RTN4RL1: variants seen among roughly 807,000 people sequenced by gnomAD.
The protein encoded by RTN4RL1 is reticulon-4 receptor-like 1.
RTN4RL1 carries 7 observed loss-of-function variants against 25.6 expected under a neutral mutation model. That is an observed-to-expected ratio of 0.27 (90% confidence interval 0.16 to 0.51). The LOEUF is 0.51. Among genes scored for constraint, RTN4RL1 ranks in the 20% least tolerant of loss-of-function variants. RTN4RL1 has a pLI of 0.97. For synonymous variants in RTN4RL1, 297 were observed against 288.2 expected (o/e 1.03, Z -0.31); for missense variants, 500 against 615.6 (o/e 0.81, Z 1.99).
At chr17:2,005,879 C>T (rs2066991552) in intron 1 of RTN4RL1, among the ~76,000 whole-genome samples, 1 of 151,114 alleles carries the variant, frequency 6.6e-6, no homozygotes. Flanking sequence ...TCACTGCAAC[C>T]TCCGCCACCC....
Position 1,942,365 on chromosome 17 carries a change from G to T in RTN4RL1, c.14-4557C>A, listed in dbSNP as rs566724836. Among the ~76,000 whole-genome samples, 6 of 126,682 alleles carry T rather than the reference G, an allele frequency of 4.7e-5. No individual in the cohort carries two copies. The South Asian group carries it at 1.2e-3, about 25-fold the overall frequency. 83.1% of individuals were successfully genotyped at this position (126,682 alleles called of 152,430 possible). A position where few individuals can be genotyped will look rare whatever the true frequency, so the allele number is the denominator to read the frequency against. ...TGGGGAGGGCCCAGAATGACTGGGTGGGGGGATACGGAGGATCCTCATGGC... is the reference window on the plus strand; with the variant it reads ...TGGGGAGGGCCCAGAATGACTGGGTTGGGGGATACGGAGGATCCTCATGGC... On this transcript the variant is annotated intron_variant, in intron 1 of 1. Coordinates refer to ENST00000331238, the MANE Select transcript of RTN4RL1 (RefSeq NM_178568.4).
intron 1 of RTN4RL1, among the ~76,000 whole-genome samples, chr17:1,999,824 C>T (rs187265975): frequency 6.6e-6 from 1 of 152,384 alleles, no homozygotes; most frequent in African/African-American, 2.4e-5. Flanking sequence ...AAATAGCCAC[C>T]TCCCTCCCGG....
intron 1 of RTN4RL1, among the ~76,000 whole-genome samples, chr17:1,983,973 C>T (rs1405371203): frequency 6.6e-6 from 1 of 152,188 alleles, no homozygotes; most frequent in African/African-American, 2.4e-5. Flanking sequence ...CTGGTAGAAC[C>T]AGGCTGGAAT....
intron 1 of RTN4RL1, among the ~76,000 whole-genome samples, chr17:2,007,357 C>CACACAA (rs2151324819): frequency 6.6e-6 from 1 of 151,728 alleles, no homozygotes; most frequent in East Asian, 1.9e-4. Context: ...CACACACACA[C>CACACAA]ACACACACAC....
chr17:1,971,600 T>G, intron 1 of RTN4RL1, among the ~76,000 whole-genome samples: 3 of 148,364 alleles, frequency 2.0e-5, no homozygotes, highest in Non-Finnish European at 4.5e-5. Context: ...GAGGCTGAGG[T>G]GGGAGGGTTG....
intron 1 of RTN4RL1, among the ~76,000 whole-genome samples, chr17:1,989,785 G>T (rs1352262670): frequency 1.3e-5 from 2 of 151,878 alleles, no homozygotes; most frequent in Admixed American, 6.6e-5. Flanking sequence ...TTTTGGACAG[G>T]CTGGTCTCGA....
intron 1 of RTN4RL1, among the ~76,000 whole-genome samples, chr17:2,008,175 A>C (rs1186149013): frequency 6.6e-6 from 1 of 151,606 alleles, no homozygotes; most frequent in Non-Finnish European, 1.5e-5. Context: ...AGGCTGAGGC[A>C]GGAGAATCAC....
At chr17:1,951,763 A>G (rs370657095) in intron 1 of RTN4RL1, among the ~76,000 whole-genome samples, 24 of 152,196 alleles carry the variant, frequency 1.6e-4, no homozygotes, top group African/African-American at 4.8e-4. Flanking sequence ...CGAAGCCACA[A>G]AGTTTTTCAG....
At chr17:1,939,208 C>A (rs967892356) in intron 1 of RTN4RL1, among the ~76,000 whole-genome samples, 2 of 151,476 alleles carry the variant, frequency 1.3e-5, no homozygotes, top group African/African-American at 4.9e-5. Flanking sequence ...AAAAAATTAG[C>A]CGGGCGTGGT....
intron 1 of RTN4RL1, among the ~76,000 whole-genome samples, chr17:1,943,836 G>A (rs1356704236): frequency 6.6e-6 from 1 of 152,182 alleles, no homozygotes; most frequent in Non-Finnish European, 1.5e-5. Flanking sequence ...GACGTGGGGC[G>A]TGGGGTGTGC....
chr17:1,990,507 C>T (rs1468418530), intron 1 of RTN4RL1, among the ~76,000 whole-genome samples: 2 of 152,084 alleles, frequency 1.3e-5, no homozygotes, highest in Non-Finnish European at 2.9e-5. Context: ...TCAAGACCAG[C>T]CTGGGCAACA....
chr17:1,975,585 A>C (rs2066839484), intron 1 of RTN4RL1, among the ~76,000 whole-genome samples: 1 of 152,146 alleles, frequency 6.6e-6, no homozygotes, highest in African/African-American at 2.4e-5. Flanking sequence ...CGGGAGGTGG[A>C]GGTTGCAGTG....
rs886209707 is a variant in RTN4RL1, at chr17:1,998,483, G to A, written c.13+26370C>T. ...CACCCCACGCGCCCCGCTCGGGTCG[G>A]GCCTCCCCTCCCCGCGGCTGCCCCC... On this transcript the variant is annotated intron_variant, in intron 1 of 1. Transcript: ENST00000331238. The surrounding 1 kb of genome is among the most constrained non-coding windows in gnomAD (Gnocchi z 4.9). Among the ~76,000 whole-genome samples, 1 of 152,058 alleles carries A rather than the reference G, an allele frequency of 6.6e-6. No individual in the cohort carries two copies. Among genetic ancestry groups the A allele is most frequent in the Admixed American group, 6.5e-5 (1 of 15,278 alleles).
chr17:1,996,012 G>A (rs1049185563), intron 1 of RTN4RL1, among the ~76,000 whole-genome samples: 8 of 152,166 alleles, frequency 5.3e-5, no homozygotes, highest in Non-Finnish European at 1.0e-4. Flanking sequence ...AGGTGAGGGC[G>A]TGCTGAGCCT....
intron 1 of RTN4RL1, among the ~76,000 whole-genome samples, chr17:1,951,824 C>T (rs1268024815): frequency 6.6e-6 from 1 of 152,202 alleles, no homozygotes; most frequent in Admixed American, 6.5e-5. Flanking sequence ...AACGTGAGGA[C>T]AGAGAAGCGC....
intron 1 of RTN4RL1, among the ~76,000 whole-genome samples, chr17:1,962,786 C>A (rs941830653): frequency 5.7e-4 from 86 of 150,202 alleles, no homozygotes; most frequent in African/African-American, 2.0e-3. Flanking sequence ...TAGCTTGAAC[C>A]AGGAGGCAGA....
intron 1 of RTN4RL1, among the ~76,000 whole-genome samples, chr17:1,939,625 G>A (rs1190184762): frequency 6.6e-6 from 1 of 152,110 alleles, no homozygotes; most frequent in Non-Finnish European, 1.5e-5. Flanking sequence ...CCCTCTAATT[G>A]GGCATTAATT....
In RTN4RL1 at chr17:1,981,778, A is replaced by G. The variant is rs538001184; in HGVS notation, c.13+43075T>C. Among the ~76,000 whole-genome samples, 182 of 152,346 alleles carry G rather than the reference A, an allele frequency of 1.2e-3. 1 individual carries two copies. Among genetic ancestry groups the G allele is most frequent in the South Asian group, 6.2e-3 (30 of 4,828 alleles). ...AGTGTCTGGGACACAGCTTGTACCC[A>G]ACAAGCACAGTCATGCATCACTTAA... On this transcript the variant is annotated intron_variant, in intron 1 of 1. Transcript: ENST00000331238.
intron 1 of RTN4RL1, among the ~76,000 whole-genome samples, chr17:1,986,373 C>T: frequency 6.7e-6 from 1 of 148,602 alleles, no homozygotes; most frequent in Non-Finnish European, 1.5e-5. Context: ...TGAATGGTGG[C>T]CCCCCAAAAG....
Sources: gnomAD v4.1 joint callset for allele counts (sites outside exome capture counted in the v4.1 genomes callset) on GRCh38, gnomAD v4.1.1 for gene constraint, Gnocchi (gnomAD v3.1) non-coding constraint, MANE v1.5 for transcripts, NCBI Gene and HGNC (gene_info 2026-07-23, HGNC 2026-07-21) for gene names.